The following NBPF12 variants were observed in gnomAD, a reference collection of about 807,000 sequenced individuals.
The protein encoded by NBPF12 is NBPF family member NBPF12.
A neutral mutation model predicts 146.4 loss-of-function variants in NBPF12; 115 were observed. The observed-to-expected ratio is 0.79, with a 90% CI of 0.68 to 0.92. The LOEUF (loss-of-function observed/expected upper bound fraction) is 0.92. Among genes scored for constraint, NBPF12 ranks in the 40% least tolerant of loss-of-function variants. NBPF12 has a pLI of 0.00. For synonymous variants in NBPF12, 385 were observed against 508.9 expected, an observed-to-expected ratio of 0.76 and a Z score of 3.28; for missense variants, 1,205 against 1,326.8, an observed-to-expected ratio of 0.91 and a Z score of 1.43.
At chr1:146,987,573 CT>C (rs1424812120) in intron 25 of NBPF12, among the ~76,000 whole-genome samples, 1 of 150,282 alleles carries the variant, frequency 6.7e-6, no homozygotes, top group East Asian at 2.0e-4. Context: ...TGAGCACAGT[CT>C]TTTCATGATC....
exon 9 of NBPF12, chr1:146,966,567 G>A (rs1365950707): frequency 0.54 from 723,287 of 1,351,676 alleles, 198,270 homozygotes; most frequent in East Asian, 0.82. Flanking sequence ...TCAATGAGAA[G>A]TTGCGCCCCC....
intron 18 of NBPF12, 146 bp downstream of exon 21, chr1:146,977,817 T>C (rs1657143836): frequency 1.5e-6 from 1 of 686,200 alleles, no homozygotes; most frequent in Admixed American, 2.7e-5. Context: ...TTTGTCCTTC[T>C]CAGCTAATGT....
intron 12 of NBPF12, 66 bp downstream of exon 15, chr1:146,970,785 C>A: frequency 8.1e-7 from 1 of 1,234,040 alleles, no homozygotes; most frequent in Non-Finnish European, 1.2e-6. Context: ...GAGGCATGCC[C>A]TCTCTGGCAT....
chr1:146,973,337 T>C (rs1174662982), intron 14 of NBPF12, among the ~76,000 whole-genome samples: 64 of 151,892 alleles, frequency 4.2e-4, no homozygotes, highest in African/African-American at 1.5e-3. Context: ...TAGTGAACTT[T>C]TATTCAGTTC....
chr1:146,966,253 G>T (rs1329146595), intron 8 of NBPF12, among the ~76,000 whole-genome samples: 1 of 152,014 alleles, frequency 6.6e-6, no homozygotes, highest in African/African-American at 2.4e-5. Flanking sequence ...GAAAAGTGTA[G>T]AAGTGTTTAT....
chr1:146,952,334 C>T (rs1472589268), intron 2 of NBPF12, among the ~76,000 whole-genome samples: 1 of 152,076 alleles, frequency 6.6e-6, no homozygotes, highest in Non-Finnish European at 1.5e-5. Context: ...CTGTGGTTCT[C>T]TGTGAGCATC....
chr1:146,981,294 A>AAATATAT lies in NBPF12; in HGVS notation c.2451-1633_2451-1632insATATATA, dbSNP rs1162326884. On this transcript the variant is annotated intron_variant, in intron 19 of 33. Transcript: ENST00000617844. ...TAAAGTATTAAAAAAAAAAAAAAAA[A>AAATATAT]ATATATATATATATATATATACATA... Among the ~76,000 whole-genome samples, 398 of 90,164 alleles carry AAATATAT rather than the reference A, an allele frequency of 4.4e-3. 6 individuals carry two copies. Among genetic ancestry groups the AAATATAT allele is most frequent in the African/African-American group, 0.018 (374 of 20,794 alleles). The allele number at this position is 90,164 out of a possible 152,430, so 59.2% of individuals were successfully genotyped here.
chr1:146,967,492 CTG>C (rs1248907096), intron 9 of NBPF12, among the ~76,000 whole-genome samples: 5 of 148,848 alleles, frequency 3.4e-5, no homozygotes, highest in South Asian at 2.3e-4. Context: ...CAGGGCAAGA[CTG>C]TTAAAAAAAA....
At chr1:146,981,318 T>A (rs1175978733) in intron 19 of NBPF12, among the ~76,000 whole-genome samples, 1 of 132,638 alleles carries the variant, frequency 7.5e-6, no homozygotes, top group Non-Finnish European at 1.6e-5. Context: ...TATATATACA[T>A]ACACACAAAA....
At chr1:146,981,172 C>G (rs1401377608) in intron 19 of NBPF12, among the ~76,000 whole-genome samples, 2 of 134,204 alleles carry the variant, frequency 1.5e-5, no homozygotes, top group Non-Finnish European at 3.1e-5. Context: ...GGAGATATAC[C>G]TAATGTTAAA....
In NBPF12 at chr1:146,957,916, C is replaced by T. The variant is rs1156444951; in HGVS notation, c.-183-1943C>T. 2.6e-5 allele frequency among the ~76,000 whole-genome samples: 3 copies of T among 115,568 alleles called. 1 individual carries two copies. In the East Asian group the frequency reaches 9.4e-4, roughly 36 times the overall value. 75.8% of individuals were successfully genotyped at this position (115,568 alleles called of 152,430 possible). On this transcript the variant is annotated intron_variant, in intron 2 of 33. Transcript: ENST00000617844. ...ACATATATATACACGTATGTATATACACGTATATAATATATATTCGTGTGT... is the reference window on the plus strand; with the variant it reads ...ACATATATATACACGTATGTATATATACGTATATAATATATATTCGTGTGT...
At chr1:146,965,136 C>G (rs1397415633) in intron 8 of NBPF12, 32 bp downstream of exon 11, 8 of 1,176,796 alleles carry the variant, frequency 6.8e-6, no homozygotes, top group Non-Finnish European at 1.0e-5. Context: ...TCTCATACCT[C>G]TGTCTAGGCT....
At chr1:146,996,158 G>A (rs1315826277), downstream of NBPF12, 1 of 126,674 alleles carries the variant, frequency 7.9e-6, no homozygotes, top group Non-Finnish European at 1.6e-5. Flanking sequence ...GATTGGTTTT[G>A]GTGGGTACTG....
intron 19 of NBPF12, among the ~76,000 whole-genome samples, chr1:146,980,981 G>C: frequency 1.5e-5 from 2 of 134,428 alleles, no homozygotes; most frequent in Admixed American, 8.1e-5. Flanking sequence ...TCCTTTGTAG[G>C]GGCATGGATG....
chr1:146,969,462 C>G, exon 11 of NBPF12: 7 of 1,393,562 alleles, frequency 5.0e-6, no homozygotes, highest in Non-Finnish European at 6.1e-6. Flanking sequence ...AGAGATGCCT[C>G]CCGCTCATTG....
chr1:146,939,956 G>C lies in NBPF12; in HGVS notation c.-822+974G>C, dbSNP rs1654720075. On this transcript the variant is annotated intron_variant, in intron 1 of 35. Transcript: ENST00000617931. Reference sequence around the variant, plus strand: ...GGAGATATCTTGTCACTGCACTCCAGCCTGGGTGACAGAGCGAGACTCCCT... The same window carrying C: ...GGAGATATCTTGTCACTGCACTCCACCCTGGGTGACAGAGCGAGACTCCCT... 2.0e-5 allele frequency among the ~76,000 whole-genome samples: 3 copies of C among 147,720 alleles called. No homozygotes were observed. The Admixed American group carries it at 2.0e-4, about 10-fold the overall frequency.
chr1:146,939,843 A>C (rs3992752), intron 1 of NBPF12, among the ~76,000 whole-genome samples: 20 of 151,848 alleles, frequency 1.3e-4, no homozygotes, highest in African/African-American at 4.1e-4. Flanking sequence ...ATTAGCCGGG[A>C]GTGGTGGCAG....
chr1:146,959,901 C>G lies in NBPF12; in HGVS notation c.-141C>G. ...TGGCCACAATCTACCTCACTCTTAT[C>G]AGAGTCTGAGCAGTGCTTTCAGCTC... On this transcript the variant is annotated 5_prime_UTR_variant, in exon 3 of 34. In the 5' UTR this introduces an upstream ATG that the reference lacks. Transcript: ENST00000617844. 4.6e-6 allele frequency: 1 copy of G among 218,816 alleles called. No homozygotes were observed. Among genetic ancestry groups the G allele is most frequent in the Non-Finnish European group, 7.8e-6 (1 of 128,482 alleles). The allele number at this position is 218,816 out of a possible 1,614,324, so 13.6% of individuals were successfully genotyped here. A position where few individuals can be genotyped will look rare whatever the true frequency, so the allele number is the denominator to read the frequency against.
intron 8 of NBPF12, 143 bp from the exon 12 acceptor site, chr1:146,966,321 C>A (rs1656203509): frequency 2.5e-6 from 2 of 801,050 alleles, no homozygotes; most frequent in South Asian, 2.8e-5. Context: ...GAGATCAAGA[C>A]TGGAGATGAC....
Sources: gnomAD v4.1 joint callset for allele counts (sites outside exome capture counted in the v4.1 genomes callset) on GRCh38, gnomAD v4.1.1 for gene constraint, MANE v1.5 for transcripts, NCBI Gene and HGNC (gene_info 2026-07-23, HGNC 2026-07-21) for gene names.